CNTN5: variants seen among roughly 807,000 people sequenced by gnomAD.
The protein encoded by CNTN5 is contactin 5, also known as contactin-5.
In CNTN5, 77 loss-of-function variants were observed where a neutral mutation model predicts 129.1. The observed-to-expected ratio is 0.60, with a 90% confidence interval of 0.50 to 0.72. The LOEUF (loss-of-function observed/expected upper bound fraction) is 0.72. CNTN5 is among the 30% of genes least tolerant of loss of function. The pLI, the probability that CNTN5 is intolerant of heterozygous loss-of-function variation, is 0.00. For missense variants in CNTN5, 1,478 were observed against 1,328.8 expected, an observed-to-expected ratio of 1.11 and a Z score of -1.75; for synonymous variants, 509 against 465.6, an observed-to-expected ratio of 1.09 and a Z score of -1.20.
At chr11:99,996,485 ATATCCAGATG>A (rs1939452084) in intron 8 of CNTN5, among the ~76,000 whole-genome samples, 1 of 152,110 alleles carries the variant, frequency 6.6e-6, no homozygotes. Flanking sequence ...TTCCCTTCAC[ATATCCAGATG>A]TCAGAAAAAT....
intron 3 of CNTN5, among the ~76,000 whole-genome samples, chr11:99,787,166 C>T (rs1016389254): frequency 6.7e-6 from 1 of 149,962 alleles, no homozygotes; most frequent in South Asian, 2.1e-4. Context: ...TGCACCTGCA[C>T]GTTTTGGCTT....
intron 18 of CNTN5, among the ~76,000 whole-genome samples, chr11:100,284,238 G>A (rs1168880140): frequency 2.0e-5 from 3 of 152,194 alleles, no homozygotes; most frequent in East Asian, 1.9e-4. Context: ...GTGCTCACCT[G>A]ATTTTTGGTT....
chr11:100,190,309 G>A (rs529574581), intron 13 of CNTN5, among the ~76,000 whole-genome samples: 4 of 152,168 alleles, frequency 2.6e-5, no homozygotes, highest in East Asian at 3.9e-4. Flanking sequence ...GGAGTAGGTC[G>A]ATGCACTGGT....
At chr11:99,901,915 C>T (rs1054390436) in intron 6 of CNTN5, among the ~76,000 whole-genome samples, 1 of 152,050 alleles carries the variant, frequency 6.6e-6, no homozygotes, top group Non-Finnish European at 1.5e-5. Context: ...AAAATGCAAG[C>T]GTTATCCCCT....
chr11:100,314,016 A>G lies in CNTN5; in HGVS notation c.2730+5548A>G, dbSNP rs575965881. On this transcript the variant is annotated intron_variant, in intron 21 of 24. Transcript: ENST00000524871. ...ATAATCAATATCCCTTATGTTGTCA[A>G]TTAGTAACTTCAAGTTGTAGACATT... is the stretch of plus-strand genomic sequence containing the variant. 1.3e-4 allele frequency among the ~76,000 whole-genome samples: 20 copies of G among 152,286 alleles called. No homozygotes were observed. In the East Asian group the frequency reaches 3.3e-3, roughly 25 times the overall value.
rs1341542298 is a variant in CNTN5 at position 99,299,677 on chromosome 11, TAGGAG to T, written c.-209-25668_-209-25664del. Among the ~76,000 whole-genome samples, 5 of 152,194 alleles carry T rather than the reference TAGGAG, an allele frequency of 3.3e-5. No homozygotes were observed. The East Asian group carries it at 7.7e-4, about 23-fold the overall frequency. Reference sequence around the variant, plus strand: ...ATTTTCTGTTTCTGAGTTATTTCACTAGGAGTGATGGTCCCCAACTCAATCCATGT... The same window carrying T: ...ATTTTCTGTTTCTGAGTTATTTCACTTGATGGTCCCCAACTCAATCCATGT... On this transcript the variant is annotated intron_variant, in intron 1 of 24. Transcript: ENST00000524871.
intron 18 of CNTN5, among the ~76,000 whole-genome samples, chr11:100,289,274 C>T (rs1950886943): frequency 6.6e-6 from 1 of 152,122 alleles, no homozygotes; most frequent in South Asian, 2.1e-4. Context: ...GCAGCATCAT[C>T]CTGATACCAA....
intron 1 of CNTN5, among the ~76,000 whole-genome samples, chr11:99,234,283 T>G (rs1013792789): frequency 6.6e-6 from 1 of 151,694 alleles, no homozygotes; most frequent in Non-Finnish European, 1.5e-5. Flanking sequence ...ATGAAGACAA[T>G]GGGAAGAAGG....
chr11:99,516,977 T>C (rs1024988010), intron 2 of CNTN5, among the ~76,000 whole-genome samples: 25 of 152,136 alleles, frequency 1.6e-4, no homozygotes, highest in African/African-American at 4.8e-4. Context: ...AGAGTATTTC[T>C]TTGATTATTT....
At chr11:99,153,913 G>C (rs1157993995) in intron 1 of CNTN5, among the ~76,000 whole-genome samples, 1 of 151,298 alleles carries the variant, frequency 6.6e-6, no homozygotes, top group Non-Finnish European at 1.5e-5. Flanking sequence ...CATTTAAGGG[G>C]ATAAGGCTTA....
At chr11:99,070,528 T>TA (rs10711829) in intron 1 of CNTN5, among the ~76,000 whole-genome samples, 50 of 147,728 alleles carry the variant, frequency 3.4e-4, no homozygotes, top group South Asian at 8.5e-4. Context: ...TGCATGCAGA[T>TA]AAAAAAAAAA....
intron 2 of CNTN5, among the ~76,000 whole-genome samples, chr11:99,460,777 T>C (rs1347777327): frequency 6.6e-6 from 1 of 152,064 alleles, no homozygotes; most frequent in Non-Finnish European, 1.5e-5. Flanking sequence ...CGTACCTTGC[T>C]AGTGAGAGTT....
Position 100,074,212 on chromosome 11 carries a change from G to C in CNTN5, c.1498G>C (p.Val500Leu), listed in dbSNP as rs199697279. 32 of 1,612,116 alleles carry C rather than the reference G, an allele frequency of 2.0e-5. No homozygotes were observed. The Middle Eastern group carries it at 6.6e-4, about 33-fold the overall frequency. ...TIIVTKDQEV[V>L]IECKPQGSPK... ...AATTGTTACCAAAGACCAAGAAGTTGTCATAGAGTGCAAACCCCAAGGCTC... is the reference window on the plus strand; with the variant it reads ...AATTGTTACCAAAGACCAAGAAGTTCTCATAGAGTGCAAACCCCAAGGCTC... The change falls in exon 13 of 25, where the codon GTC (valine) becomes CTC (leucine). Residue 500 changes from valine (V) to leucine (L), a missense_variant. Physicochemically the swap from Val to Leu is conservative, Grantham distance 32. Coordinates refer to ENST00000524871, the MANE Select transcript of CNTN5 (RefSeq NM_014361.4).
intron 3 of CNTN5, among the ~76,000 whole-genome samples, chr11:99,781,748 C>T (rs1194889197): frequency 2.0e-5 from 3 of 152,086 alleles, no homozygotes; most frequent in South Asian, 4.1e-4. Context: ...TCAATAGATG[C>T]AGAAAAGGCC....
At chr11:100,353,655 C>T (rs1487200685) in intron 24 of CNTN5, among the ~76,000 whole-genome samples, 1 of 151,714 alleles carries the variant, frequency 6.6e-6, no homozygotes, top group East Asian at 1.9e-4. Flanking sequence ...TTTCTTATAG[C>T]TCACAAGTGG....
intron 1 of CNTN5, among the ~76,000 whole-genome samples, chr11:99,318,574 C>A (rs990326679): frequency 1.3e-5 from 2 of 151,802 alleles, no homozygotes; most frequent in Non-Finnish European, 2.9e-5. Context: ...ACTCTCCAAT[C>A]GGCAATGGCA....
intron 2 of CNTN5, among the ~76,000 whole-genome samples, chr11:99,403,079 T>A (rs1284392755): frequency 6.6e-6 from 1 of 150,868 alleles, no homozygotes; most frequent in Non-Finnish European, 1.5e-5. Flanking sequence ...GGATTCCAGC[T>A]CACTGCAAGC....
intron 1 of CNTN5, among the ~76,000 whole-genome samples, chr11:99,219,620 G>C (rs1860298667): frequency 6.6e-6 from 1 of 150,726 alleles, no homozygotes. Context: ...TTCAGCACTT[G>C]TAGACCATGG....
intron 13 of CNTN5, among the ~76,000 whole-genome samples, chr11:100,185,573 C>A (rs987870897): frequency 5.9e-5 from 9 of 152,152 alleles, no homozygotes; most frequent in African/African-American, 1.9e-4. Context: ...TTTTTGGAAG[C>A]AGAGGAAGGA....
Sources: allele counts gnomAD v4.1 joint callset (sites outside exome capture counted in the v4.1 genomes callset), GRCh38; gene constraint gnomAD v4.1.1; transcripts MANE v1.5; gene names NCBI Gene and HGNC (gene_info 2026-07-23, HGNC 2026-07-21).